Variants in ZC3H7B observed in about 807,000 individuals in gnomAD.
The protein encoded by ZC3H7B is zinc finger CCCH domain-containing protein 7B.
ZC3H7B carries 35 observed loss-of-function variants against 116.0 expected under a neutral mutation model. The ratio of observed to expected loss-of-function variants is 0.30; its 90% CI spans 0.23 to 0.40. The LOEUF is 0.40. Ranked by LOEUF, ZC3H7B falls within the 10% of genes least tolerant of loss-of-function variation. The probability of loss-of-function intolerance (pLI) is 1.00; values close to 1 mark genes in which losing one functional copy is unlikely to be tolerated. For missense variants in ZC3H7B, 1,011 were observed against 1,321.5 expected, an observed-to-expected ratio of 0.77 and a Z score of 3.64; for synonymous variants, 502 against 545.6, an observed-to-expected ratio of 0.92 and a Z score of 1.11.
chr22:41,339,710 G>A (rs1203328344), intron 9 of ZC3H7B, 106 bp from the exon 10 acceptor site: 1 of 1,069,128 alleles, frequency 9.4e-7, no homozygotes, highest in Non-Finnish European at 1.3e-6. Context: ...ACAGGATGAA[G>A]CCAGGCGACA....
chr22:41,332,308 C>A, intron 7 of ZC3H7B, 81 bp downstream of exon 7: 1 of 1,564,412 alleles, frequency 6.4e-7, no homozygotes. Flanking sequence ...TATAAATGAC[C>A]TCAGGCAGTG....
intron 11 of ZC3H7B, 104 bp downstream of exon 11, chr22:41,341,250 C>T (rs2036519108): frequency 2.9e-6 from 4 of 1,386,766 alleles, no homozygotes; most frequent in African/African-American, 1.4e-5. Flanking sequence ...CACTGCATTC[C>T]CCACGGCGGG....
chr22:41,317,895 A>G (rs921375693), intron 1 of ZC3H7B, among the ~76,000 whole-genome samples: 5 of 152,174 alleles, frequency 3.3e-5, no homozygotes, highest in African/African-American at 1.2e-4. Flanking sequence ...CCTGATGCCC[A>G]TCTCTGCGGT....
rs752242638 is a variant in ZC3H7B at position 41,356,311 on chromosome 22, C to A, written c.2384-32C>A. 4 of 1,613,000 alleles carry A rather than the reference C, an allele frequency of 2.5e-6. No homozygotes were observed. In the South Asian group the frequency reaches 4.4e-5, roughly 18 times the overall value. On this transcript the variant is annotated intron_variant, in intron 20 of 22. Transcript: ENST00000352645. Reference sequence around the variant, plus strand: ...GGGCAGAATGGATGGAGAAGCCCCTCAGCAGGTGCCCTGTCCCTGTCCCCT... The same window carrying A: ...GGGCAGAATGGATGGAGAAGCCCCTAAGCAGGTGCCCTGTCCCTGTCCCCT...
chr22:41,308,793 A>C (rs1267425108), intron 1 of ZC3H7B, among the ~76,000 whole-genome samples: 1 of 151,940 alleles, frequency 6.6e-6, no homozygotes, highest in Non-Finnish European at 1.5e-5. Flanking sequence ...TTTGCCTCCC[A>C]CGTGGCTTGC....
At position 41,324,236 on chromosome 22, in the gene ZC3H7B, G is replaced by C. The variant is rs145252451; in HGVS notation, c.54-1328G>C. 2.6e-5 allele frequency among the ~76,000 whole-genome samples: 4 copies of C among 152,268 alleles called. No individual in the cohort carries two copies. In the East Asian group the frequency reaches 7.7e-4, roughly 29 times the overall value. ...AGTATGGGGAGGGAGGGCAGGTCTG[G>C]GGCCCAGACAGTGGGGAGGCAAGTG... On this transcript the variant is annotated intron_variant, in intron 2 of 22. Transcript: ENST00000352645.
chr22:41,357,440 T>C lies in ZC3H7B; in HGVS notation c.*11T>C, dbSNP rs201898238. On this transcript the variant is annotated 3_prime_UTR_variant, in exon 23 of 23. Transcript: ENST00000352645. The surrounding 1 kb of genome is among the most constrained non-coding windows in gnomAD (Gnocchi z 5.4). Reference sequence around the variant, plus strand: ...ACCACTGGGGAGTAGGGCCAGGTGTTGGCCGTGGGTGAAGTCCTGGGGTCA... The same window carrying C: ...ACCACTGGGGAGTAGGGCCAGGTGTCGGCCGTGGGTGAAGTCCTGGGGTCA... 213 of 1,355,808 alleles carry C rather than the reference T, an allele frequency of 1.6e-4. No individual in the cohort carries two copies. In the African/African-American group the frequency reaches 2.8e-3, roughly 18 times the overall value. The allele number at this position is 1,355,808 out of a possible 1,614,324, so 84.0% of individuals were successfully genotyped here.
chr22:41,301,983 CTT>C (rs1230851472), intron 1 of ZC3H7B, among the ~76,000 whole-genome samples: 1 of 152,110 alleles, frequency 6.6e-6, no homozygotes, highest in Admixed American at 6.5e-5. Context: ...CCATTTGCTC[CTT>C]TTTGGGGATC....
intron 2 of ZC3H7B, among the ~76,000 whole-genome samples, chr22:41,322,025 G>T (rs1180228189): frequency 2.7e-5 from 4 of 149,572 alleles, no homozygotes; most frequent in Non-Finnish European, 5.9e-5. Context: ...ATTTTTAGTA[G>T]AGACGGGGTT....
At chr22:41,337,787 A>G (rs764796487) in intron 7 of ZC3H7B, among the ~76,000 whole-genome samples, 13 of 151,346 alleles carry the variant, frequency 8.6e-5, no homozygotes, top group Non-Finnish European at 1.6e-4. Flanking sequence ...GTGGGGATCC[A>G]CTGAGCCCAT....
chr22:41,331,149 G>T (rs1430593540), intron 6 of ZC3H7B, among the ~76,000 whole-genome samples: 1 of 145,358 alleles, frequency 6.9e-6, no homozygotes, highest in Admixed American at 6.9e-5. Flanking sequence ...GAGCCACCGC[G>T]CCCAGCTGAG....
At chr22:41,311,805 C>A (rs964498974) in intron 1 of ZC3H7B, among the ~76,000 whole-genome samples, 3 of 151,992 alleles carry the variant, frequency 2.0e-5, no homozygotes, top group African/African-American at 7.3e-5. Flanking sequence ...GGTCTTGAGA[C>A]CTGGGCAGAA....
chr22:41,329,915 A>G (rs1197104288), intron 5 of ZC3H7B, 108 bp from the exon 6 acceptor site: 4 of 1,129,802 alleles, frequency 3.5e-6, no homozygotes, highest in Non-Finnish European at 5.0e-6. Flanking sequence ...CTCATCTATA[A>G]CATGGGGTGA....
At chr22:41,354,800 A>G (rs540576153) in intron 17 of ZC3H7B, among the ~76,000 whole-genome samples, 1 of 152,246 alleles carries the variant, frequency 6.6e-6, no homozygotes, top group African/African-American at 2.4e-5. Flanking sequence ...CAGAGAAGGA[A>G]CGTGGTGGGT....
chr22:41,340,509 G>A (rs969440614), intron 10 of ZC3H7B, among the ~76,000 whole-genome samples: 15 of 152,112 alleles, frequency 9.9e-5, no homozygotes, highest in South Asian at 2.1e-4. Flanking sequence ...CACCACTCTG[G>A]GCTGGGTGCC....
chr22:41,321,900 C>T (rs1601771361), intron 2 of ZC3H7B, among the ~76,000 whole-genome samples: 1 of 117,690 alleles, frequency 8.5e-6, no homozygotes, highest in Non-Finnish European at 1.6e-5. Flanking sequence ...AGTGCAGTGG[C>T]GGGATCTCGG....
chr22:41,332,382 C>G lies in ZC3H7B; in HGVS notation c.582+155C>G, dbSNP rs547992923. The G allele has an allele frequency of 5.5e-5, 48 of 875,166 alleles. No homozygotes were observed. In the South Asian group the frequency reaches 6.7e-4, roughly 12 times the overall value. The allele number at this position is 875,166 out of a possible 1,614,324, so 54.2% of individuals were successfully genotyped here. ...TGTCCACGGGGGCAGGATGTGGGGA[C>G]AGGCCATGGCTGCTGTTGGCAGGGA... On this transcript the variant is annotated intron_variant, in intron 7 of 22. Transcript: ENST00000352645.
chr22:41,348,112 G>C lies in ZC3H7B; in HGVS notation c.1711G>C (p.Asp571His), dbSNP rs1211136689. 1 of 1,614,002 alleles carries C rather than the reference G, an allele frequency of 6.2e-7. No individual in the cohort carries two copies. Among genetic ancestry groups the C allele is most frequent in the South Asian group, 1.1e-5 (1 of 91,072 alleles). ...KPRIISKGTK[D>H]SPSVCSNLAA... ...CCGGATCATCAGCAAAGGCACCAAG[G>C]ACTCTCCGTCTGTCTGCTCCAACCT... is the stretch of plus-strand genomic sequence containing the variant. Residue 571 changes from aspartate to histidine, a missense_variant, in exon 15 of 23, where the codon GAC becomes CAC. Physicochemically the swap from Asp to His is moderately conservative, Grantham distance 81. Around this residue, in one of 5 missense-constraint regions of ZC3H7B, gnomAD observed 406 missense variants for 590.2 expected, o/e 0.69. Transcript: ENST00000352645.
chr22:41,345,355 G>T lies in ZC3H7B; in HGVS notation c.1460-648G>T, dbSNP rs532994650. On this transcript the variant is annotated intron_variant, in intron 13 of 22. Coordinates refer to ENST00000352645, the MANE Select transcript of ZC3H7B (RefSeq NM_017590.6). ...AATCCCAGCACTTTGGGAGGCCGAG[G>T]GGGGTGGATCACCTGAGGTCGGGAG... 1.1e-4 allele frequency among the ~76,000 whole-genome samples: 17 copies of T among 152,256 alleles called. No individual in the cohort carries two copies. The East Asian group carries it at 3.3e-3, about 30-fold the overall frequency.
Sources: gnomAD v4.1 joint callset for allele counts (sites outside exome capture counted in the v4.1 genomes callset) on GRCh38, gnomAD v4.1.1 for gene constraint, gnomAD v4.1.1 regional missense constraint, Gnocchi (gnomAD v3.1) non-coding constraint, MANE v1.5 for transcripts, NCBI Gene and HGNC (gene_info 2026-07-23, HGNC 2026-07-21) for gene names.